Variants in ADAMTS9 observed in about 807,000 individuals in gnomAD.
ADAMTS9 encodes ADAM metallopeptidase with thrombospondin type 1 motif 9.
A neutral mutation model predicts 257.1 loss-of-function variants in ADAMTS9; 107 were observed. The observed-to-expected ratio is 0.42, with a 90% CI of 0.36 to 0.49. ADAMTS9 has a LOEUF of 0.49. Ranked by LOEUF, ADAMTS9 falls within the 20% of genes least tolerant of loss-of-function variation. The pLI, the probability that ADAMTS9 is intolerant of heterozygous loss-of-function variation, is 0.03. For synonymous variants in ADAMTS9, 982 were observed against 880.9 expected (o/e 1.11, Z -2.03); for missense variants, 2,353 against 2,469.1 (o/e 0.95, Z 1.00).
chr3:64,620,666 G>T (rs73122255), intron 19 of ADAMTS9, among the ~76,000 whole-genome samples: 1 of 151,948 alleles, frequency 6.6e-6, no homozygotes, highest in Non-Finnish European at 1.5e-5. Context: ...CTTCCATGAC[G>T]CTACCTTAGT....
At chr3:64,576,519 G>C (rs1429699616) in intron 28 of ADAMTS9, among the ~76,000 whole-genome samples, 1 of 152,176 alleles carries the variant, frequency 6.6e-6, no homozygotes, top group African/African-American at 2.4e-5. Flanking sequence ...TGGAGAGAAA[G>C]CTTTACCAGG....
intron 37 of ADAMTS9, among the ~76,000 whole-genome samples, chr3:64,535,271 C>T (rs997889501): frequency 1.3e-5 from 2 of 151,942 alleles, no homozygotes; most frequent in South Asian, 2.1e-4. Flanking sequence ...CCCAGATGCT[C>T]GGGAGACTGA....
chr3:64,668,353 C>T (rs1701399684), intron 3 of ADAMTS9, among the ~76,000 whole-genome samples: 1 of 152,146 alleles, frequency 6.6e-6, no homozygotes, highest in Non-Finnish European at 1.5e-5. Context: ...TCTCAAGGGC[C>T]TCCTGGTGAC....
chr3:64,617,444 G>A (rs1699985367), intron 19 of ADAMTS9, among the ~76,000 whole-genome samples: 1 of 152,064 alleles, frequency 6.6e-6, no homozygotes, highest in African/African-American at 2.4e-5. Flanking sequence ...CTATGGAAAG[G>A]GCATAGCGCA....
At chr3:64,542,406 T>C (rs2083136301) in intron 32 of ADAMTS9, among the ~76,000 whole-genome samples, 1 of 148,216 alleles carries the variant, frequency 6.7e-6, no homozygotes, top group Non-Finnish European at 1.5e-5. Flanking sequence ...CACTTTTGCC[T>C]GATCACTTTT....
At chr3:64,623,374 G>C (rs1203334458) in intron 16 of ADAMTS9, among the ~76,000 whole-genome samples, 4 of 152,152 alleles carry the variant, frequency 2.6e-5, no homozygotes, top group Non-Finnish European at 5.9e-5. Flanking sequence ...GCAAGCAGCA[G>C]GGAAGTACTG....
chr3:64,604,041 G>C lies in ADAMTS9; in HGVS notation c.3628C>G (p.Arg1210Gly), dbSNP rs1467625872. The C allele has an allele frequency of 6.2e-7, 1 of 1,614,074 alleles. No individual in the cohort carries two copies. The highest frequency in any genetic ancestry group is 8.5e-7 in the Non-Finnish European group (1 of 1,179,992). Residue 1210 changes from arginine to glycine, a missense_variant, in exon 25 of 40, where the codon CGA becomes GGA. Physicochemically the swap from Arg to Gly is moderately radical, Grantham distance 125. Around this residue, in one of 3 missense-constraint regions of ADAMTS9, gnomAD observed 1,402 missense variants for 1,441.4 expected, o/e 0.97. Coordinates refer to ENST00000498707, the MANE Select transcript of ADAMTS9 (RefSeq NM_182920.2). ...KGTRMRYVSC[R>G]DENGSVADES... ...TCAGCCACAGAGCCATTCTCATCTC[G>C]GCAGCTGACGTATCTCATCCGGGTA...
chr3:64,520,740 C>T (rs2082840633), intron 39 of ADAMTS9, among the ~76,000 whole-genome samples: 1 of 152,098 alleles, frequency 6.6e-6, no homozygotes, highest in Non-Finnish European at 1.5e-5. Context: ...AACTGGCTAA[C>T]CATATACAGA....
At chr3:64,643,331 T>G (rs1168246221) in intron 11 of ADAMTS9, among the ~76,000 whole-genome samples, 1 of 152,128 alleles carries the variant, frequency 6.6e-6, no homozygotes, top group African/African-American at 2.4e-5. Flanking sequence ...ATTTAAGAAT[T>G]TCTAAAGTCA....
chr3:64,626,912 G>T (rs1700236945), intron 16 of ADAMTS9, among the ~76,000 whole-genome samples: 1 of 152,168 alleles, frequency 6.6e-6, no homozygotes, highest in Non-Finnish European at 1.5e-5. Flanking sequence ...CATCAGCCAT[G>T]AAAGAGGCAG....
At position 64,686,509 on chromosome 3, in the gene ADAMTS9, G is replaced by A; in HGVS notation, c.516+59C>T. The A allele has an allele frequency of 6.6e-7, 1 of 1,507,844 alleles. No individual in the cohort carries two copies. The highest frequency in any genetic ancestry group is 8.9e-7 in the Non-Finnish European group (1 of 1,125,172). 93.4% of individuals were successfully genotyped at this position (1,507,844 alleles called of 1,614,324 possible). On this transcript the variant is annotated intron_variant, in intron 2 of 39. Coordinates refer to ENST00000498707, the MANE Select transcript of ADAMTS9 (RefSeq NM_182920.2). This position sits in a 1 kb window ranked among gnomAD's most constrained non-coding sequence, Gnocchi z 4.6. ...GTCTCTAGGCTTAGAGGACAATTAA[G>A]TCTTCTAGAAGCGGGCGAGGAGGCG...
chr3:64,576,433 G>A lies in ADAMTS9; in HGVS notation c.4357-7898C>T, dbSNP rs144867058. ...CTTATTGGCAATGAACTCACTCAGGGGAGGTTTTACAGGCTTCTCACAAAA... is the reference window on the plus strand; with the variant it reads ...CTTATTGGCAATGAACTCACTCAGGAGAGGTTTTACAGGCTTCTCACAAAA... On this transcript the variant is annotated intron_variant, in intron 28 of 39. Transcript: ENST00000498707. Among the ~76,000 whole-genome samples the A allele has an allele frequency of 3.3e-3, 502 of 152,268 alleles. 2 individuals carry two copies. The highest frequency in any genetic ancestry group is 5.3e-3 in the Non-Finnish European group (363 of 68,032).
At position 64,647,771 on chromosome 3, in the gene ADAMTS9, T is replaced by A. The variant is rs147536300; in HGVS notation, c.1710+169A>T. On this transcript the variant is annotated intron_variant, in intron 11 of 39. Transcript: ENST00000498707. ...ATCAGCATTATGCTATAATCTAAGTTTCACAATTTTTAATTGTCTAACTTC... is the reference window on the plus strand; with the variant it reads ...ATCAGCATTATGCTATAATCTAAGTATCACAATTTTTAATTGTCTAACTTC... 3.3e-5 allele frequency among the ~76,000 whole-genome samples: 5 copies of A among 152,362 alleles called. No homozygotes were observed. The East Asian group carries it at 9.6e-4, about 29-fold the overall frequency.
intron 28 of ADAMTS9, among the ~76,000 whole-genome samples, chr3:64,574,801 TAA>T (rs2083793545): frequency 6.6e-6 from 1 of 152,022 alleles, no homozygotes; most frequent in South Asian, 2.1e-4. Flanking sequence ...ATGGCCTGGT[TAA>T]GACAACCAGT....
chr3:64,554,271 G>A (rs971286074), intron 30 of ADAMTS9, among the ~76,000 whole-genome samples: 1 of 152,212 alleles, frequency 6.6e-6, no homozygotes, highest in African/African-American at 2.4e-5. Context: ...GCGGTGGAAA[G>A]GGGAGCTGGA....
In ADAMTS9 at chr3:64,649,793, A is replaced by G. The variant is rs200840320; in HGVS notation, c.1464-15T>C. On this transcript the variant is annotated splice_polypyrimidine_tract_variant and intron_variant, in intron 9 of 39. Transcript: ENST00000498707. ...CATAACCAGTGCTACGGAAACACAC[A>G]GAAACACACAGATGGTGAGAACGGT... The G allele has an allele frequency of 2.5e-6, 4 of 1,608,006 alleles. No individual in the cohort carries two copies. The highest frequency in any genetic ancestry group is 3.4e-6 in the Non-Finnish European group (4 of 1,176,990).
At chr3:64,542,914 T>TAA (rs199551911) in intron 32 of ADAMTS9, among the ~76,000 whole-genome samples, 331 of 151,630 alleles carry the variant, frequency 2.2e-3, no homozygotes, top group African/African-American at 7.3e-3. Context: ...ATAGACACAA[T>TAA]AAAAAATGAT....
chr3:64,616,475 T>C (rs1320093827), intron 19 of ADAMTS9, among the ~76,000 whole-genome samples: 2 of 152,294 alleles, frequency 1.3e-5, no homozygotes, highest in East Asian at 3.9e-4. Flanking sequence ...TTTTCAAGTG[T>C]ATTAAAACCT....
At chr3:64,656,676 T>A (rs1477940746) in intron 4 of ADAMTS9, among the ~76,000 whole-genome samples, 1 of 152,036 alleles carries the variant, frequency 6.6e-6, no homozygotes. Context: ...GCTGTGCATA[T>A]GCGCAGGGCC....
Sources: gnomAD v4.1 joint callset for allele counts (sites outside exome capture counted in the v4.1 genomes callset) on GRCh38, gnomAD v4.1.1 for gene constraint, gnomAD v4.1.1 regional missense constraint, Gnocchi (gnomAD v3.1) non-coding constraint, MANE v1.5 for transcripts, NCBI Gene and HGNC (gene_info 2026-07-23, HGNC 2026-07-21) for gene names.